Variants in LSAMP observed in about 807,000 individuals in gnomAD.
LSAMP encodes the protein limbic system-associated membrane protein.
In LSAMP, 7 loss-of-function variants were observed where a neutral mutation model predicts 38.6. That is an observed-to-expected ratio of 0.18 (90% confidence interval 0.10 to 0.34). The LOEUF (loss-of-function observed/expected upper bound fraction) is 0.34. Among genes scored for constraint, LSAMP ranks in the 10% least tolerant of loss-of-function variants. The probability of loss-of-function intolerance (pLI) is 1.00; values close to 1 mark genes in which losing one functional copy is unlikely to be tolerated. For missense variants in LSAMP, 313 were observed against 420.0 expected, an observed-to-expected ratio of 0.75 and a Z score of 2.23; for synonymous variants, 154 against 166.8, an observed-to-expected ratio of 0.92 and a Z score of 0.59.
At chr3:116,413,586 G>A (rs1432521749) in intron 1 of LSAMP, among the ~76,000 whole-genome samples, 1 of 151,950 alleles carries the variant, frequency 6.6e-6, no homozygotes, top group Non-Finnish European at 1.5e-5. Flanking sequence ...GTCACCATGA[G>A]CAAAGGTACT....
chr3:115,897,012 T>C (rs984130840), intron 3 of LSAMP, among the ~76,000 whole-genome samples: 1 of 152,086 alleles, frequency 6.6e-6, no homozygotes, highest in African/African-American at 2.4e-5. Flanking sequence ...GATGGGTAAA[T>C]GCAGTCCTAG....
chr3:116,188,696 T>C (rs984618277), intron 1 of LSAMP, among the ~76,000 whole-genome samples: 6 of 152,180 alleles, frequency 3.9e-5, no homozygotes, highest in African/African-American at 1.4e-4. Flanking sequence ...AAGTGATGCG[T>C]TTATTTGCTC....
At chr3:116,294,127 C>T (rs1267475572) in intron 1 of LSAMP, among the ~76,000 whole-genome samples, 1 of 152,024 alleles carries the variant, frequency 6.6e-6, no homozygotes, top group Non-Finnish European at 1.5e-5. Flanking sequence ...CACACACGCC[C>T]CTACTACCAC....
intron 3 of LSAMP, among the ~76,000 whole-genome samples, chr3:115,957,997 A>G (rs968866006): frequency 6.6e-6 from 1 of 152,210 alleles, no homozygotes; most frequent in Non-Finnish European, 1.5e-5. Flanking sequence ...GGGATATAAA[A>G]AATCCCACTC....
At chr3:116,357,706 G>A (rs1448087969) in intron 1 of LSAMP, among the ~76,000 whole-genome samples, 1 of 152,042 alleles carries the variant, frequency 6.6e-6, no homozygotes, top group Non-Finnish European at 1.5e-5. Flanking sequence ...TGCTGCATAG[G>A]TTTTAGGTAA....
At chr3:116,203,549 C>G (rs1474833655) in intron 1 of LSAMP, among the ~76,000 whole-genome samples, 2 of 119,826 alleles carry the variant, frequency 1.7e-5, no homozygotes, top group African/African-American at 3.1e-5. Flanking sequence ...TCCCTCCCCC[C>G]ACCCCCCACC....
intron 3 of LSAMP, among the ~76,000 whole-genome samples, chr3:115,938,625 A>G (rs1242712005): frequency 6.6e-6 from 1 of 152,212 alleles, no homozygotes; most frequent in Non-Finnish European, 1.5e-5. Context: ...GATTTAGAGG[A>G]GTTTTAAGAA....
At chr3:115,887,928 C>T (rs911779243) in intron 3 of LSAMP, among the ~76,000 whole-genome samples, 3 of 151,820 alleles carry the variant, frequency 2.0e-5, no homozygotes, top group African/African-American at 7.3e-5. Context: ...ATATTTTTAC[C>T]ATTAAATATA....
At chr3:115,981,051 C>T (rs1162919271) in intron 3 of LSAMP, among the ~76,000 whole-genome samples, 1 of 152,080 alleles carries the variant, frequency 6.6e-6, no homozygotes, top group Non-Finnish European at 1.5e-5. Context: ...ACTGAGTTCC[C>T]TTCCCACTTA....
At chr3:115,852,745 C>T in intron 3 of LSAMP, 128 bp from the exon 4 acceptor site, 1 of 908,074 alleles carries the variant, frequency 1.1e-6, no homozygotes, top group Non-Finnish European at 1.6e-6. Flanking sequence ...CTTTGTCTGA[C>T]ATCAGATTCC....
chr3:115,902,613 C>G (rs916366535), intron 3 of LSAMP, among the ~76,000 whole-genome samples: 1 of 152,014 alleles, frequency 6.6e-6, no homozygotes, highest in Non-Finnish European at 1.5e-5. Flanking sequence ...GTTTAATATC[C>G]AGCATCTATA....
At chr3:116,427,815 T>G (rs2049224091) in intron 1 of LSAMP, among the ~76,000 whole-genome samples, 1 of 152,016 alleles carries the variant, frequency 6.6e-6, no homozygotes, top group Non-Finnish European at 1.5e-5. Flanking sequence ...TGTTACACAC[T>G]CTCTCTCTTG....
intron 1 of LSAMP, among the ~76,000 whole-genome samples, chr3:116,180,319 A>G (rs1710455038): frequency 1.3e-5 from 2 of 152,186 alleles, no homozygotes; most frequent in South Asian, 4.1e-4. Context: ...ACAAGATGCA[A>G]TGAGAGTTCA....
At chr3:115,854,352 G>A (rs1384689642) in intron 3 of LSAMP, among the ~76,000 whole-genome samples, 2 of 140,376 alleles carry the variant, frequency 1.4e-5, no homozygotes, top group Admixed American at 7.6e-5. Context: ...GCACAATCTC[G>A]GCTCACTGCA....
chr3:115,968,432 C>A (rs1183189578), intron 3 of LSAMP, among the ~76,000 whole-genome samples: 1 of 152,042 alleles, frequency 6.6e-6, no homozygotes, highest in Non-Finnish European at 1.5e-5. Context: ...AGGACTGGGT[C>A]CTTTCCTTCA....
intron 1 of LSAMP, among the ~76,000 whole-genome samples, chr3:116,390,524 A>T (rs2107811662): frequency 6.6e-6 from 1 of 152,238 alleles, no homozygotes; most frequent in South Asian, 2.1e-4. Context: ...TAATGGAAGC[A>T]GTTCTGCAGA....
chr3:116,274,472 T>C (rs1383558672), intron 1 of LSAMP, among the ~76,000 whole-genome samples: 1 of 152,206 alleles, frequency 6.6e-6, no homozygotes, highest in Non-Finnish European at 1.5e-5. Context: ...CTTATATCTT[T>C]TTCTAATGCC....
intron 1 of LSAMP, among the ~76,000 whole-genome samples, chr3:116,231,690 G>A (rs183287321): frequency 5.3e-4 from 80 of 152,300 alleles, no homozygotes; most frequent in Middle Eastern, 3.4e-3. Flanking sequence ...TAAAATAAGA[G>A]TTCTGTTAAA....
intron 1 of LSAMP, among the ~76,000 whole-genome samples, chr3:116,407,890 C>T (rs2048918092): frequency 6.6e-6 from 1 of 151,986 alleles, no homozygotes; most frequent in Admixed American, 6.6e-5. Flanking sequence ...TAAGCTCCTA[C>T]AAACAGAGTC....
Sources: allele counts gnomAD v4.1 joint callset (sites outside exome capture counted in the v4.1 genomes callset), GRCh38; gene constraint gnomAD v4.1.1; transcripts MANE v1.5; gene names NCBI Gene and HGNC (gene_info 2026-07-23, HGNC 2026-07-21).